The following LINGO2 variants were observed in gnomAD, a reference collection of about 807,000 sequenced individuals.
LINGO2 encodes leucine rich repeat and Ig domain containing 2.
Under a neutral mutation model 30.6 loss-of-function variants are expected in LINGO2, and 14 were observed. The observed-to-expected ratio is 0.46, with a 90% confidence interval of 0.30 to 0.72. LINGO2 has a LOEUF of 0.72. Ranked by LOEUF, LINGO2 falls within the 30% of genes least tolerant of loss-of-function variation. LINGO2 has a pLI of 0.07. For missense variants in LINGO2, 729 were observed against 751.7 expected (o/e 0.97, Z 0.35); for synonymous variants, 317 against 288.5 (o/e 1.10, Z -1.00).
the LINGO2 span, among the ~76,000 whole-genome samples, chr9:28,993,011 A>G: frequency 6.6e-6 from 1 of 151,942 alleles, no homozygotes; most frequent in Non-Finnish European, 1.5e-5. Context: ...AAATAACTAA[A>G]ATCAGAGCAG....
At chr9:28,228,418 C>T (rs1315592931) in intron 4 of LINGO2, among the ~76,000 whole-genome samples, 1 of 151,964 alleles carries the variant, frequency 6.6e-6, no homozygotes, top group Non-Finnish European at 1.5e-5. Context: ...TACAGCAAGA[C>T]CATGAATTGA....
the LINGO2 span, among the ~76,000 whole-genome samples, chr9:28,818,558 G>A: frequency 1.1e-4 from 17 of 152,156 alleles, no homozygotes; most frequent in South Asian, 2.9e-3. Context: ...GCTAATTTTT[G>A]TATTTTTATT....
intron 4 of LINGO2, among the ~76,000 whole-genome samples, chr9:28,244,689 C>G (rs1285276215): frequency 7.9e-5 from 12 of 151,960 alleles, no homozygotes; most frequent in Admixed American, 7.9e-4. Context: ...ACACAAATAA[C>G]TAGAAAATCT....
chr9:28,900,510 G>C, the LINGO2 span, among the ~76,000 whole-genome samples: 87 of 152,210 alleles, frequency 5.7e-4, 1 homozygote, highest in African/African-American at 2.1e-3. Context: ...AAAACTTCTG[G>C]CACAGTTTAC....
chr9:28,173,231 A>G (rs1431386663), intron 4 of LINGO2, among the ~76,000 whole-genome samples: 2 of 152,200 alleles, frequency 1.3e-5, no homozygotes, highest in East Asian at 3.8e-4. Context: ...AGCATCCAAT[A>G]ATACCCTGCT....
the LINGO2 span, among the ~76,000 whole-genome samples, chr9:29,135,558 C>CAAA: frequency 9.2e-6 from 1 of 108,216 alleles, no homozygotes. Flanking sequence ...ATTCCATCTC[C>CAAA]AAAAAAAAAA....
chr9:28,350,195 A>G (rs1387549088), intron 3 of LINGO2, among the ~76,000 whole-genome samples: 1 of 143,582 alleles, frequency 7.0e-6, no homozygotes, highest in African/African-American at 2.6e-5. Context: ...ATTAAAAGAC[A>G]CAGACTGGCA....
At chr9:28,341,941 A>G (rs905631315) in intron 3 of LINGO2, among the ~76,000 whole-genome samples, 3 of 152,204 alleles carry the variant, frequency 2.0e-5, no homozygotes, top group Middle Eastern at 3.4e-3. Context: ...CCTTCTTTTT[A>G]TCCTATAGGG....
At chr9:27,982,386 G>T (rs79816539) in intron 5 of LINGO2, among the ~76,000 whole-genome samples, 7,220 of 151,894 alleles carry the variant, frequency 0.048, 312 homozygotes, top group Admixed American at 0.1. Flanking sequence ...GGGAGAAACA[G>T]TTCAGTGTCA....
chr9:28,156,973 G>A (rs1335272733), intron 4 of LINGO2, among the ~76,000 whole-genome samples: 1 of 152,218 alleles, frequency 6.6e-6, no homozygotes, highest in Non-Finnish European at 1.5e-5. Context: ...TTGTGGGCTG[G>A]TGTTGAGTGT....
chr9:27,996,575 A>C (rs538273255), intron 5 of LINGO2, among the ~76,000 whole-genome samples: 3 of 152,310 alleles, frequency 2.0e-5, no homozygotes, highest in Admixed American at 6.5e-5. Flanking sequence ...GGAGGTAGTA[A>C]ATGGAATGGT....
intron 4 of LINGO2, among the ~76,000 whole-genome samples, chr9:28,018,087 A>C (rs1317367671): frequency 6.6e-6 from 1 of 152,106 alleles, no homozygotes; most frequent in Non-Finnish European, 1.5e-5. Context: ...TGACAAAGTC[A>C]ACAAAAGCAA....
the LINGO2 span, among the ~76,000 whole-genome samples, chr9:28,883,867 G>T: frequency 6.6e-6 from 1 of 150,520 alleles, no homozygotes; most frequent in African/African-American, 2.4e-5. Flanking sequence ...TGGTAGAGAT[G>T]GGGTTTCACG....
At chr9:27,959,836 A>G (rs1254682744) in intron 5 of LINGO2, among the ~76,000 whole-genome samples, 1 of 152,180 alleles carries the variant, frequency 6.6e-6, no homozygotes, top group African/African-American at 2.4e-5. Context: ...AATTTTTTCT[A>G]AGTTATGTTA....
chr9:27,996,431 T>C (rs1477812460), intron 5 of LINGO2, among the ~76,000 whole-genome samples: 1 of 152,168 alleles, frequency 6.6e-6, no homozygotes, highest in Non-Finnish European at 1.5e-5. Context: ...TACATATACA[T>C]ACTGGAATAC....
chr9:27,972,517 T>G (rs1177613182), intron 5 of LINGO2, among the ~76,000 whole-genome samples: 1 of 152,180 alleles, frequency 6.6e-6, no homozygotes, highest in Non-Finnish European at 1.5e-5. Context: ...AGATCCACAG[T>G]GCAGAGTCTG....
chr9:28,035,952 C>CA (rs1332288107), intron 4 of LINGO2, among the ~76,000 whole-genome samples: 1 of 152,032 alleles, frequency 6.6e-6, no homozygotes, highest in African/African-American at 2.4e-5. Flanking sequence ...AGGCAGTTGA[C>CA]ATGATGTGGT....
chr9:28,406,722 C>A (rs571576997), intron 2 of LINGO2, among the ~76,000 whole-genome samples: 6 of 152,230 alleles, frequency 3.9e-5, no homozygotes, highest in Admixed American at 3.9e-4. Context: ...CCAAATTGTT[C>A]TTATTATTAT....
intron 4 of LINGO2, among the ~76,000 whole-genome samples, chr9:28,070,019 C>T (rs1182144053): frequency 6.6e-6 from 1 of 152,148 alleles, no homozygotes; most frequent in Non-Finnish European, 1.5e-5. Context: ...GAGCAGCATG[C>T]TCAGGATGCA....
Sources: gnomAD v4.1 joint callset for allele counts (sites outside exome capture counted in the v4.1 genomes callset) on GRCh38, gnomAD v4.1.1 for gene constraint, MANE v1.5 for transcripts, NCBI Gene and HGNC (gene_info 2026-07-23, HGNC 2026-07-21) for gene names.